The following PDE4D variants were observed in gnomAD, a reference collection of about 807,000 sequenced individuals.
PDE4D encodes the protein phosphodiesterase 4D, also known as 3',5'-cyclic-AMP phosphodiesterase 4D.
Under a neutral mutation model 87.4 loss-of-function variants are expected in PDE4D, and 24 were observed. The observed-to-expected ratio is 0.27, with a 90% confidence interval of 0.20 to 0.39. PDE4D has a LOEUF of 0.39. PDE4D is among the 10% of genes least tolerant of loss of function. The probability of loss-of-function intolerance (pLI) is 1.00; values close to 1 mark genes in which losing one functional copy is unlikely to be tolerated. For missense variants in PDE4D, 714 were observed against 1,041.0 expected, an observed-to-expected ratio of 0.69 and a Z score of 4.32; for synonymous variants, 384 against 383.2, an observed-to-expected ratio of 1.00 and a Z score of -0.02.
rs183421038 is a variant in PDE4D at position 59,147,539 on chromosome 5, G to C, written c.808+33056C>G. ...ATTGGGCAGTGGTGTGATTGAATTG[G>C]CCAAATCAGAACCTAGAGTGAGCAT... On this transcript the variant is annotated intron_variant, in intron 5 of 14. Transcript: ENST00000340635. Among the ~76,000 whole-genome samples the C allele has an allele frequency of 1.7e-3, 258 of 152,178 alleles. 1 individual carries two copies. Among genetic ancestry groups the C allele is most frequent in the African/African-American group, 6.0e-3 (250 of 41,534 alleles).
chr5:60,497,514 C>T (rs1269659502), intron 1 of PDE4D, among the ~76,000 whole-genome samples: 2 of 151,894 alleles, frequency 1.3e-5, no homozygotes, highest in African/African-American at 4.8e-5. Context: ...GTGATCCTCC[C>T]ACCTCAACCT....
At chr5:60,248,632 A>G (rs1010468687) in intron 1 of PDE4D, among the ~76,000 whole-genome samples, 1 of 151,944 alleles carries the variant, frequency 6.6e-6, no homozygotes, top group African/African-American at 2.4e-5. Context: ...GACCTTCACA[A>G]TTCTTTCATG....
At chr5:59,277,490 T>A (rs78420634) in intron 1 of PDE4D, among the ~76,000 whole-genome samples, 2,306 of 152,180 alleles carry the variant, frequency 0.015, 39 homozygotes, top group Admixed American at 0.043. Context: ...GGAGAGGGGA[T>A]TTAGAGGAAG....
chr5:60,025,685 G>T (rs560169891), intron 2 of PDE4D, among the ~76,000 whole-genome samples: 23 of 151,950 alleles, frequency 1.5e-4, no homozygotes, highest in African/African-American at 5.6e-4. Context: ...AGTACTCATG[G>T]TTAGAATTTT....
chr5:59,319,158 ATATGTGTGTGTGTGTG>A (rs1442832044), intron 1 of PDE4D, among the ~76,000 whole-genome samples: 3 of 121,584 alleles, frequency 2.5e-5, no homozygotes, highest in Admixed American at 8.8e-5. Context: ...GAGTACATAT[ATATGTGTGTGTGTGTG>A]TGTGTGTGTG....
intron 1 of PDE4D, among the ~76,000 whole-genome samples, chr5:59,558,213 G>A (rs145566093): frequency 9.9e-4 from 151 of 152,154 alleles, no homozygotes; most frequent in Admixed American, 3.8e-3. Context: ...CATTCCAGTC[G>A]AAGGGATATG....
intron 1 of PDE4D, among the ~76,000 whole-genome samples, chr5:59,310,368 T>A (rs1370404289): frequency 6.6e-6 from 1 of 152,180 alleles, no homozygotes; most frequent in Admixed American, 6.5e-5. Flanking sequence ...TGCTTAATAT[T>A]GGGAAGACTC....
At chr5:59,935,316 A>T (rs1756445280) in intron 3 of PDE4D, among the ~76,000 whole-genome samples, 1 of 151,980 alleles carries the variant, frequency 6.6e-6, no homozygotes, top group Admixed American at 6.6e-5. Flanking sequence ...AGAAATGGAG[A>T]CTCAAGACAG....
intron 2 of PDE4D, among the ~76,000 whole-genome samples, chr5:60,058,100 A>T (rs562656368): frequency 6.6e-6 from 1 of 152,038 alleles, no homozygotes; most frequent in Admixed American, 6.6e-5. Context: ...CCCGAAATTG[A>T]GGTTTAAAGA....
chr5:60,387,392 T>C (rs1206791421), intron 1 of PDE4D, among the ~76,000 whole-genome samples: 1 of 152,234 alleles, frequency 6.6e-6, no homozygotes, highest in East Asian at 1.9e-4. Flanking sequence ...CTTTTGTGTA[T>C]ATTGTTTCCA....
At chr5:60,345,313 GA>G in intron 1 of PDE4D, among the ~76,000 whole-genome samples, 1 of 152,044 alleles carries the variant, frequency 6.6e-6, no homozygotes, top group South Asian at 2.1e-4. Flanking sequence ...GGGGAAGGGG[GA>G]GAGGGAAAAC....
At chr5:60,238,063 T>A (rs1381744992) in intron 1 of PDE4D, among the ~76,000 whole-genome samples, 1 of 152,016 alleles carries the variant, frequency 6.6e-6, no homozygotes. Flanking sequence ...TGCCTATGGA[T>A]GTATTCTTTA....
chr5:59,795,009 T>C lies in PDE4D; in HGVS notation c.455+98159A>G, dbSNP rs61576239. 9.6e-4 allele frequency among the ~76,000 whole-genome samples: 146 copies of C among 152,276 alleles called. 2 individuals are homozygous for C. Among genetic ancestry groups the C allele is most frequent in the East Asian group, 8.9e-3 (46 of 5,164 alleles). On this transcript the variant is annotated intron_variant, in intron 1 of 14. Transcript: ENST00000340635. ...GTGCACCCAGAGGAGCTTCTGTGTA[T>C]CTGTGAGACCCTGTTTCCTCATCTG...
At chr5:59,994,515 C>T (rs1034596841) in intron 2 of PDE4D, among the ~76,000 whole-genome samples, 3 of 152,196 alleles carry the variant, frequency 2.0e-5, no homozygotes, top group African/African-American at 7.2e-5. Context: ...ACATTACATG[C>T]TCATTGATTA....
At chr5:59,519,517 C>A (rs752812412) in intron 1 of PDE4D, among the ~76,000 whole-genome samples, 1 of 152,178 alleles carries the variant, frequency 6.6e-6, no homozygotes, top group Non-Finnish European at 1.5e-5. Context: ...TTGGCACATT[C>A]AGGGAACACC....
intron 1 of PDE4D, among the ~76,000 whole-genome samples, chr5:59,237,782 G>GGTGTGTGTGTGTGTGTGT (rs61375269): frequency 6.8e-5 from 2 of 29,464 alleles, no homozygotes; most frequent in Non-Finnish European, 1.6e-4. Flanking sequence ...CCCTCATATA[G>GGTGTGTGTGTGTGTGTGT]GTGTGTGTGT....
chr5:59,930,366 A>G (rs1020145002), intron 3 of PDE4D, among the ~76,000 whole-genome samples: 3 of 152,106 alleles, frequency 2.0e-5, no homozygotes, highest in African/African-American at 7.2e-5. Flanking sequence ...AGAGAATCAG[A>G]GAGAGAAAAA....
intron 1 of PDE4D, among the ~76,000 whole-genome samples, chr5:59,575,225 G>A (rs188076490): frequency 7.9e-5 from 12 of 152,214 alleles, no homozygotes; most frequent in African/African-American, 2.4e-4. Context: ...AGAACGAAGA[G>A]CCACACGTAG....
At chr5:59,298,389 T>TA (rs1305029160) in intron 1 of PDE4D, among the ~76,000 whole-genome samples, 1 of 152,156 alleles carries the variant, frequency 6.6e-6, no homozygotes, top group Non-Finnish European at 1.5e-5. Flanking sequence ...GTGCTGGAAT[T>TA]ACGGTGTGAG....
Sources: allele counts gnomAD v4.1 joint callset (sites outside exome capture counted in the v4.1 genomes callset), GRCh38; gene constraint gnomAD v4.1.1; transcripts MANE v1.5; gene names NCBI Gene and HGNC (gene_info 2026-07-23, HGNC 2026-07-21).